The following PDE12 variants were observed in gnomAD, a reference collection of about 807,000 sequenced individuals.
The protein encoded by PDE12 is phosphodiesterase 12, also known as 2',5'-phosphodiesterase 12.
A neutral mutation model predicts 45.4 loss-of-function variants in PDE12; 26 were observed. The ratio of observed to expected loss-of-function variants is 0.57; its 90% CI spans 0.42 to 0.79. The LOEUF is 0.79. PDE12 is among the 30% of genes least tolerant of loss of function. The pLI, the probability that PDE12 is intolerant of heterozygous loss-of-function variation, is 0.00. For synonymous variants in PDE12, 283 were observed against 323.9 expected (o/e 0.87, Z 1.36); for missense variants, 668 against 790.0 (o/e 0.85, Z 1.85).
chr3:57,628,667 C>T, the PDE12 span: 2 of 796,262 alleles, frequency 2.5e-6, no homozygotes, highest in Non-Finnish European at 4.0e-6. Flanking sequence ...GTATTTTCAG[C>T]AGTATCTACC....
the PDE12 span, among the ~76,000 whole-genome samples, chr3:57,618,616 T>TTTTG: frequency 0.015 from 1,885 of 121,900 alleles, 69 homozygotes; most frequent in African/African-American, 0.051. Flanking sequence ...TGTTTTTTTT[T>TTTTG]TTTTTTTTTT....
At chr3:57,593,614 A>T in the PDE12 span, among the ~76,000 whole-genome samples, 1 of 152,256 alleles carries the variant, frequency 6.6e-6, no homozygotes, top group East Asian at 1.9e-4. Context: ...GAAAGTTCAA[A>T]GTAAAGAGAT....
At chr3:57,581,257 G>A in the PDE12 span, among the ~76,000 whole-genome samples, 2 of 152,142 alleles carry the variant, frequency 1.3e-5, no homozygotes, top group Non-Finnish European at 2.9e-5. Context: ...CAAGCTAAGA[G>A]CTTAGCTTTG....
chr3:57,581,059 C>G, the PDE12 span, among the ~76,000 whole-genome samples: 1 of 152,068 alleles, frequency 6.6e-6, no homozygotes, highest in Non-Finnish European at 1.5e-5. Context: ...ACAGATAAGC[C>G]CAGCTGCTAT....
the PDE12 span, among the ~76,000 whole-genome samples, chr3:57,588,905 C>T: frequency 9.9e-5 from 15 of 152,118 alleles, no homozygotes; most frequent in Non-Finnish European, 1.8e-4. Context: ...GAATTAGAGA[C>T]CAGCCTGACC....
the PDE12 span, among the ~76,000 whole-genome samples, chr3:57,586,885 T>G: frequency 1.3e-5 from 2 of 152,156 alleles, no homozygotes; most frequent in Admixed American, 6.6e-5. Flanking sequence ...AATTAACCTT[T>G]AAGTTCAAAT....
At chr3:57,601,011 C>CTT in the PDE12 span, 3 of 152,150 alleles carry the variant, frequency 2.0e-5, no homozygotes, top group African/African-American at 7.2e-5. Flanking sequence ...AAGCCATGTA[C>CTT]TTCATTTAAT....
At chr3:57,636,675 G>A in the PDE12 span, among the ~76,000 whole-genome samples, 7 of 152,234 alleles carry the variant, frequency 4.6e-5, no homozygotes, top group South Asian at 4.2e-4. Context: ...GGTGGCTCAC[G>A]CCTGTAATCT....
the PDE12 span, among the ~76,000 whole-genome samples, chr3:57,583,419 C>T: frequency 6.6e-6 from 1 of 152,144 alleles, no homozygotes; most frequent in African/African-American, 2.4e-5. Flanking sequence ...ACTAAAGTCT[C>T]TTCCATGCCA....
the PDE12 span, chr3:57,633,414 A>G: frequency 7.4e-7 from 1 of 1,346,340 alleles, no homozygotes; most frequent in South Asian, 1.2e-5. Flanking sequence ...ACAATGGATA[A>G]CTATCAGATT....
At chr3:57,576,912 T>C in the PDE12 span, among the ~76,000 whole-genome samples, 1 of 152,128 alleles carries the variant, frequency 6.6e-6, no homozygotes, top group Non-Finnish European at 1.5e-5. Context: ...ACCGATGACC[T>C]TGGGAACAAA....
chr3:57,590,401 G>A, the PDE12 span, among the ~76,000 whole-genome samples: 11 of 151,860 alleles, frequency 7.2e-5, no homozygotes, highest in South Asian at 1.2e-3. Context: ...CAGGAGAATC[G>A]CTTGAACCCG....
chr3:57,575,739 A>G, the PDE12 span: 6 of 1,497,526 alleles, frequency 4.0e-6, no homozygotes, highest in Admixed American at 1.1e-4. Context: ...ATGTCTTCCT[A>G]TATATACTTT....
chr3:57,616,511 AGAG>A, the PDE12 span, among the ~76,000 whole-genome samples: 2 of 151,666 alleles, frequency 1.3e-5, no homozygotes, highest in East Asian at 1.9e-4. Flanking sequence ...AGGAAGAGGA[AGAG>A]GAGAAGGAGA....
chr3:57,603,138 G>C, the PDE12 span, among the ~76,000 whole-genome samples: 1 of 151,902 alleles, frequency 6.6e-6, no homozygotes, highest in East Asian at 2.0e-4. Flanking sequence ...CTGCACTCTA[G>C]CCTGGGCAAC....
At position 57,563,842 on chromosome 3, in the gene PDE12, G is replaced by A. The variant is rs1017825564; in HGVS notation, c.*3838G>A. On this transcript the variant is annotated 3_prime_UTR_variant, in exon 3 of 3. Coordinates refer to ENST00000311180, the MANE Select transcript of PDE12 (RefSeq NM_177966.7). ...AAGCCTGCAGTGAGTTGTGATCAAG[G>A]TGCGCTGCACTCCAGCCTGGGTAAT... 1.3e-5 allele frequency: 2 copies of A among 152,192 alleles called. No homozygotes were observed. Among genetic ancestry groups the A allele is most frequent in the African/African-American group, 2.4e-5 (1 of 41,408 alleles). The allele number at this position is 152,192 out of a possible 1,614,324, so 9.4% of individuals were successfully genotyped here. A position where few individuals can be genotyped will look rare whatever the true frequency, so the allele number is the denominator to read the frequency against.
the PDE12 span, chr3:57,575,691 G>A: frequency 6.3e-7 from 1 of 1,598,270 alleles, no homozygotes; most frequent in Non-Finnish European, 8.5e-7. Context: ...TAAAAGGTAA[G>A]GCATTAACAA....
the PDE12 span, among the ~76,000 whole-genome samples, chr3:57,645,248 G>C: frequency 1.3e-5 from 2 of 151,972 alleles, no homozygotes; most frequent in Non-Finnish European, 2.9e-5. Flanking sequence ...AGATCACAAA[G>C]TCAGGAATTC....
At chr3:57,652,048 T>TAAAAA in the PDE12 span, among the ~76,000 whole-genome samples, 31 of 151,812 alleles carry the variant, frequency 2.0e-4, no homozygotes, top group East Asian at 5.8e-3. Flanking sequence ...AATAATAAAA[T>TAAAAA]AAAAATAAAA....
Sources: gnomAD v4.1 joint callset for allele counts (sites outside exome capture counted in the v4.1 genomes callset) on GRCh38, gnomAD v4.1.1 for gene constraint, MANE v1.5 for transcripts, NCBI Gene and HGNC (gene_info 2026-07-23, HGNC 2026-07-21) for gene names.